The following HOXC13 variants were observed in gnomAD, a reference collection of about 807,000 sequenced individuals.
HOXC13 encodes homeobox C13, also known as homeobox protein Hox-C13.
In HOXC13, 10 loss-of-function variants were observed where a neutral mutation model predicts 25.9. The observed-to-expected ratio is 0.39, with a 90% CI of 0.24 to 0.65. The LOEUF (loss-of-function observed/expected upper bound fraction) is 0.65. HOXC13 is among the 30% of genes least tolerant of loss of function. HOXC13 has a pLI of 0.50. For missense variants in HOXC13, 439 were observed against 478.3 expected (o/e 0.92, Z 0.77); for synonymous variants, 233 against 217.1 (o/e 1.07, Z -0.64).
At chr12:53,942,154 C>CTTTTTTTTTTTTTTT (rs56678098) in intron 1 of HOXC13, among the ~76,000 whole-genome samples, 3 of 39,338 alleles carry the variant, frequency 7.6e-5, no homozygotes, top group African/African-American at 2.3e-4. Flanking sequence ...TGAGTGTAGA[C>CTTTTTTTTTTTTTTT]TTTTTTTTTT....
chr12:53,941,325 C>T (rs1456622967), intron 1 of HOXC13, among the ~76,000 whole-genome samples: 2 of 152,180 alleles, frequency 1.3e-5, no homozygotes, highest in Non-Finnish European at 1.5e-5. Context: ...GCAGGAATTC[C>T]TGGGGCAGGG....
rs760409833 is a variant in HOXC13 at position 53,938,904 on chromosome 12, G to C, written c.-3G>C. The C allele has an allele frequency of 6.4e-6, 10 of 1,555,528 alleles. No individual in the cohort carries two copies. Among genetic ancestry groups the C allele is most frequent in the Non-Finnish European group, 7.8e-6 (9 of 1,158,628 alleles). On this transcript the variant is annotated 5_prime_UTR_variant, in exon 1 of 2. The change abolishes an upstream ATG in the 5' untranslated region. Transcript: ENST00000243056. Reference sequence around the variant, plus strand: ...TTTTTAAAAAGCTCCAGCAGATCATGTCATGACGACTTCGCTGCTCCTGCA... The same window carrying C: ...TTTTTAAAAAGCTCCAGCAGATCATCTCATGACGACTTCGCTGCTCCTGCA...
At position 53,939,400 on chromosome 12, in the gene HOXC13, T is replaced by C. The variant is rs760452378; in HGVS notation, c.494T>C (p.Leu165Pro). Residue 165 changes from leucine to proline, a missense_variant, in exon 1 of 2, where the codon CTG becomes CCG. By Grantham distance (98) the Leu-to-Pro change is moderately conservative. Coordinates refer to ENST00000243056, the MANE Select transcript of HOXC13 (RefSeq NM_017410.3). The surrounding 1 kb of genome is among the most constrained non-coding windows in gnomAD (Gnocchi z 6.7). ...EPSGALPGDDLSSRAKEFAFY... is the reference protein window; with the variant it reads ...EPSGALPGDDPSSRAKEFAFY... ...TCGGGCGCCCTGCCCGGTGACGACC[T>C]GTCCTCTAGGGCCAAGGAGTTCGCC... 1.2e-6 allele frequency: 2 copies of C among 1,605,424 alleles called. No individual in the cohort carries two copies. The highest frequency in any genetic ancestry group is 2.2e-5 in the South Asian group (2 of 90,100).
chr12:53,940,547 T>C (rs1251813212), intron 1 of HOXC13, among the ~76,000 whole-genome samples: 1 of 152,218 alleles, frequency 6.6e-6, no homozygotes, highest in Non-Finnish European at 1.5e-5. Flanking sequence ...CATTCCCCTC[T>C]TGTTCCGTCT....
chr12:53,938,978 G>A lies in HOXC13; in HGVS notation c.72G>A (p.Ala24=), dbSNP rs745445116. The change falls in exon 1 of 2, where the codon GCG becomes GCA. Residue 24 remains alanine (A), a synonymous_variant. Coordinates refer to ENST00000243056, the MANE Select transcript of HOXC13 (RefSeq NM_017410.3). ...TGTACGTCTATGAGGACAGCGCGGC[G>A]GAGAGCGGCATCGGCGGCGGCGGCG... ...SLMYVYEDSA[A]ESGIGGGGGG... 268 of 1,519,770 alleles carry A rather than the reference G, an allele frequency of 1.8e-4. No homozygotes were observed. Among genetic ancestry groups the A allele is most frequent in the Non-Finnish European group, 2.3e-4 (259 of 1,140,062 alleles). 94.1% of individuals were successfully genotyped at this position (1,519,770 alleles called of 1,614,324 possible).
At chr12:53,941,628 G>A (rs2136356343) in intron 1 of HOXC13, among the ~76,000 whole-genome samples, 1 of 152,248 alleles carries the variant, frequency 6.6e-6, no homozygotes, top group Admixed American at 6.5e-5. Flanking sequence ...TTTGATCACA[G>A]CCTCCTAGAG....
In HOXC13 at chr12:53,939,793, A is replaced by T. The variant is rs1938580585; in HGVS notation, c.736+151A>T. 2.9e-6 allele frequency: 3 copies of T among 1,042,058 alleles called. No individual in the cohort carries two copies. In the South Asian group the frequency reaches 1.4e-4, roughly 50 times the overall value. The allele number at this position is 1,042,058 out of a possible 1,614,324, so 64.6% of individuals were successfully genotyped here. On this transcript the variant is annotated intron_variant, in intron 1 of 1. Transcript: ENST00000243056. This position sits in a 1 kb window ranked among gnomAD's most constrained non-coding sequence, Gnocchi z 6.7. ...GGAGCCGGCCGGGCGAGCTGCACTG[A>T]GGAATGCGCCGGGGAAGAAATCTGC...
chr12:53,945,406 C>T lies in HOXC13; in HGVS notation c.*150C>T. On this transcript the variant is annotated 3_prime_UTR_variant, in exon 2 of 2. Coordinates refer to ENST00000243056, the MANE Select transcript of HOXC13 (RefSeq NM_017410.3). The surrounding 1 kb of genome is among the most constrained non-coding windows in gnomAD (Gnocchi z 4.4). The stretch of plus-strand genomic sequence containing the variant: ...CCCGGAGGCAGAGAGGCTCCATGGC[C>T]GTGCTGCTGGGCCATCCCCAACTCC... 4 of 900,272 alleles carry T rather than the reference C, an allele frequency of 4.4e-6. No individual in the cohort carries two copies. The highest frequency in any genetic ancestry group is 1.7e-5 in the South Asian group (1 of 60,444). 55.8% of individuals were successfully genotyped at this position (900,272 alleles called of 1,614,324 possible).
At chr12:53,941,852 CA>C (rs934135493) in intron 1 of HOXC13, among the ~76,000 whole-genome samples, 15 of 152,318 alleles carry the variant, frequency 9.8e-5, no homozygotes, top group Admixed American at 9.1e-4. Context: ...AGACACTCTC[CA>C]TCTTTCTACC....
Position 53,945,570 on chromosome 12 carries a change from T to G in HOXC13, c.*314T>G, listed in dbSNP as rs1286511266. ...CTTGCGCTCACCTTGCCAGAAAGTC[T>G]GGTGGCAGCGCAGAGCCCAATCATT... On this transcript the variant is annotated 3_prime_UTR_variant, in exon 2 of 2. Transcript: ENST00000243056. The surrounding 1 kb of genome is among the most constrained non-coding windows in gnomAD (Gnocchi z 4.4). The G allele has an allele frequency of 1.2e-5, 5 of 433,878 alleles. No individual in the cohort carries two copies. Among genetic ancestry groups the G allele is most frequent in the Non-Finnish European group, 2.1e-5 (5 of 237,100 alleles). 26.9% of individuals were successfully genotyped at this position (433,878 alleles called of 1,614,324 possible).
At position 53,939,489 on chromosome 12, in the gene HOXC13, C is replaced by T; in HGVS notation, c.583C>T (p.Pro195Ser). The change falls in exon 1 of 2, where the codon CCC becomes TCC. Residue 195 changes from proline to serine, a missense_variant. Coordinates refer to ENST00000243056, the MANE Select transcript of HOXC13 (RefSeq NM_017410.3). The surrounding 1 kb of genome is among the most constrained non-coding windows in gnomAD (Gnocchi z 6.7). ...MPGYLDVSVV[P>S]GISGHPEPRH... The stretch of plus-strand genomic sequence containing the variant: ...CGGCTACCTGGACGTGTCGGTGGTG[C>T]CCGGGATCAGCGGGCACCCGGAGCC... 1 of 1,609,918 alleles carries T rather than the reference C, an allele frequency of 6.2e-7. No individual in the cohort carries two copies. Among genetic ancestry groups the T allele is most frequent in the Non-Finnish European group, 8.5e-7 (1 of 1,179,570 alleles).
rs967395686 is a variant in HOXC13 at position 53,945,677 on chromosome 12, T to C, written c.*421T>C. 1 of 290,110 alleles carries C rather than the reference T, an allele frequency of 3.4e-6. No individual in the cohort carries two copies. Among genetic ancestry groups the C allele is most frequent in the Non-Finnish European group, 6.6e-6 (1 of 151,774 alleles). The allele number at this position is 290,110 out of a possible 1,614,324, so 18.0% of individuals were successfully genotyped here. A position where few individuals can be genotyped will look rare whatever the true frequency, so the allele number is the denominator to read the frequency against. Reference sequence around the variant, plus strand: ...GACCAGGCTTTTAGAGGACCTTCCCTAAGGGCGCAGCTTCGGAGCAGGATC... The same window carrying C: ...GACCAGGCTTTTAGAGGACCTTCCCCAAGGGCGCAGCTTCGGAGCAGGATC... On this transcript the variant is annotated 3_prime_UTR_variant, in exon 2 of 2. Coordinates refer to ENST00000243056, the MANE Select transcript of HOXC13 (RefSeq NM_017410.3). The surrounding 1 kb of genome is among the most constrained non-coding windows in gnomAD (Gnocchi z 4.4).
chr12:53,946,343 T>C lies in HOXC13; in HGVS notation c.*1087T>C. The C allele has an allele frequency of 4.5e-6, 1 of 223,306 alleles. No homozygotes were observed. The highest frequency in any genetic ancestry group is 9.0e-6 in the Non-Finnish European group (1 of 111,450). 13.8% of individuals were successfully genotyped at this position (223,306 alleles called of 1,614,324 possible). A position where few individuals can be genotyped will look rare whatever the true frequency, so the allele number is the denominator to read the frequency against. ...CTCCTCAAAGGCCACCTTGGTGCTG[T>C]GGGGGCCCCTTGCCTCTTCCCTTCC... On this transcript the variant is annotated 3_prime_UTR_variant, in exon 2 of 2. Coordinates refer to ENST00000243056, the MANE Select transcript of HOXC13 (RefSeq NM_017410.3).
chr12:53,944,617 T>C (rs1436618601), intron 1 of HOXC13, among the ~76,000 whole-genome samples: 1 of 152,134 alleles, frequency 6.6e-6, no homozygotes, highest in African/African-American at 2.4e-5. Context: ...ATCCTAATAT[T>C]GAGTGCTGTG....
rs760974507 is a variant in HOXC13, at chr12:53,939,236, AC to A, written c.336del (p.Thr113ProfsTer26). 2.0e-6 allele frequency: 3 copies of A among 1,537,612 alleles called. No homozygotes were observed. The highest frequency in any genetic ancestry group is 1.2e-5 in the South Asian group (1 of 83,172). ...CGCGCCAGTGTGCCCCGCCGCCCGC[AC>A]CCCCCACCTCGTCCAGCGCCACCCT... is the stretch of plus-strand genomic sequence containing the variant. ...AARQCAPPPA[P>X]PTSSSATLGY... On this transcript the variant is annotated frameshift_variant, in exon 1 of 2. Coordinates refer to ENST00000243056, the MANE Select transcript of HOXC13 (RefSeq NM_017410.3). LOFTEE classifies it high-confidence loss of function. The surrounding 1 kb of genome is among the most constrained non-coding windows in gnomAD (Gnocchi z 6.7).
chr12:53,939,743 G>A lies in HOXC13; in HGVS notation c.736+101G>A. 1 of 1,235,952 alleles carries A rather than the reference G, an allele frequency of 8.1e-7. No individual in the cohort carries two copies. Among genetic ancestry groups the A allele is most frequent in the South Asian group, 3.8e-5 (1 of 26,034 alleles). 76.6% of individuals were successfully genotyped at this position (1,235,952 alleles called of 1,614,324 possible). On this transcript the variant is annotated intron_variant, in intron 1 of 1. Transcript: ENST00000243056. The surrounding 1 kb of genome is among the most constrained non-coding windows in gnomAD (Gnocchi z 6.7). ...ACCACCCCCGCCGTCTGGCCCCGGC[G>A]CGCCCGCTCGGCTGGGCTGCCTATG... is the stretch of plus-strand genomic sequence containing the variant.
intron 1 of HOXC13, among the ~76,000 whole-genome samples, chr12:53,943,358 C>G (rs928374613): frequency 2.6e-5 from 4 of 152,180 alleles, no homozygotes; most frequent in African/African-American, 7.2e-5. Context: ...ATGGTTACCT[C>G]TGTAAGAGTA....
chr12:53,945,069 A>G lies in HOXC13; in HGVS notation c.806A>G (p.Lys269Arg). 1.2e-6 allele frequency: 2 copies of G among 1,614,112 alleles called. No homozygotes were observed. Among genetic ancestry groups the G allele is most frequent in the Non-Finnish European group, 1.7e-6 (2 of 1,180,026 alleles). The stretch of plus-strand genomic sequence containing the variant: ...CGCAAGAAACGCGTGCCCTACACTA[A>G]GGTGCAGCTGAAGGAGCTAGAGAAG... ...RGRKKRVPYT[K>R]VQLKELEKEY... The change falls in exon 2 of 2, where the codon AAG becomes AGG. Residue 269 changes from lysine to arginine, a missense_variant. By Grantham distance (26) the Lys-to-Arg change is conservative. Coordinates refer to ENST00000243056, the MANE Select transcript of HOXC13 (RefSeq NM_017410.3). The surrounding 1 kb of genome is among the most constrained non-coding windows in gnomAD (Gnocchi z 4.4).
chr12:53,939,263 G>T lies in HOXC13; in HGVS notation c.357G>T (p.Leu119=). ...CCCCCACCTCGTCCAGCGCCACCCT[G>T]GGCTACGGCTACCCCTTCGGGGGCA... ...PAPPTSSSAT[L]GYGYPFGGSY... is the part of the protein sequence containing the mutation. The change falls in exon 1 of 2, where the codon CTG becomes CTT. Residue 119 remains leucine, a synonymous_variant. Transcript: ENST00000243056. The surrounding 1 kb of genome is among the most constrained non-coding windows in gnomAD (Gnocchi z 6.7). 6.4e-7 allele frequency: 1 copy of T among 1,555,758 alleles called. No individual in the cohort carries two copies. Among genetic ancestry groups the T allele is most frequent in the South Asian group, 1.2e-5 (1 of 84,620 alleles).
Sources: allele counts gnomAD v4.1 joint callset (sites outside exome capture counted in the v4.1 genomes callset), GRCh38; gene constraint gnomAD v4.1.1; non-coding constraint Gnocchi (gnomAD v3.1); transcripts MANE v1.5; gene names NCBI Gene and HGNC (gene_info 2026-07-23, HGNC 2026-07-21).